CLYBL: variants seen among roughly 807,000 people sequenced by gnomAD.
CLYBL encodes citramalyl-CoA lyase.
In CLYBL, 31 loss-of-function variants were observed where a neutral mutation model predicts 38.9. The ratio of observed to expected loss-of-function variants is 0.80; its 90% CI spans 0.60 to 1.08. The LOEUF is 1.08. Among genes scored for constraint, CLYBL ranks in the 50% least tolerant of loss-of-function variants. The probability of loss-of-function intolerance (pLI) is 0.00; values close to 1 mark genes in which losing one functional copy is unlikely to be tolerated. For missense variants in CLYBL, 434 were observed against 411.6 expected, an observed-to-expected ratio of 1.05 and a Z score of -0.47; for synonymous variants, 171 against 158.6, an observed-to-expected ratio of 1.08 and a Z score of -0.59.
chr13:99,706,193 G>A (rs960626294), intron 1 of CLYBL, among the ~76,000 whole-genome samples: 1 of 152,080 alleles, frequency 6.6e-6, no homozygotes, highest in African/African-American at 2.4e-5. Context: ...GCCTCCCAAA[G>A]TGCTGGCATT....
intron 1 of CLYBL, among the ~76,000 whole-genome samples, chr13:99,722,339 G>A (rs1164559145): frequency 6.6e-6 from 1 of 152,072 alleles, no homozygotes; most frequent in Non-Finnish European, 1.5e-5. Flanking sequence ...TTTCCTCCCA[G>A]CCCTGGAGAT....
At chr13:99,784,818 C>T (rs1038894618) in intron 2 of CLYBL, among the ~76,000 whole-genome samples, 1 of 152,116 alleles carries the variant, frequency 6.6e-6, no homozygotes, top group Non-Finnish European at 1.5e-5. Flanking sequence ...TGAAATGTAT[C>T]TATTTTTACA....
chr13:99,848,394 T>A (rs545417181), intron 2 of CLYBL, among the ~76,000 whole-genome samples: 1 of 152,330 alleles, frequency 6.6e-6, no homozygotes, highest in African/African-American at 2.4e-5. Flanking sequence ...TGGATTGCAT[T>A]TAATTAATCC....
chr13:99,880,070 T>TATATA (rs1186082855), intron 7 of CLYBL, among the ~76,000 whole-genome samples: 384 of 29,070 alleles, frequency 0.013, 1 homozygote, highest in East Asian at 0.12. Flanking sequence ...ATATATATAT[T>TATATA]TTTTTTTTTT....
At chr13:99,845,852 C>A (rs1311168119) in intron 2 of CLYBL, among the ~76,000 whole-genome samples, 1 of 152,018 alleles carries the variant, frequency 6.6e-6, no homozygotes, top group African/African-American at 2.4e-5. Context: ...TCTTCTCCTT[C>A]GTTTTCTGGT....
chr13:99,632,812 A>G (rs1216332637), intron 1 of CLYBL, among the ~76,000 whole-genome samples: 1 of 152,212 alleles, frequency 6.6e-6, no homozygotes, highest in African/African-American at 2.4e-5. Flanking sequence ...AGTAGATAAT[A>G]GAAGCCAAAC....
intron 2 of CLYBL, among the ~76,000 whole-genome samples, chr13:99,808,997 C>T (rs1045968843): frequency 6.6e-6 from 1 of 152,028 alleles, no homozygotes; most frequent in Non-Finnish European, 1.5e-5. Flanking sequence ...TGGACACACA[C>T]ACAAGACACT....
chr13:99,631,756 G>A (rs918713927), intron 1 of CLYBL, among the ~76,000 whole-genome samples: 1 of 151,876 alleles, frequency 6.6e-6, no homozygotes, highest in Admixed American at 6.6e-5. Flanking sequence ...GCACCACCAC[G>A]CCCAGCTAAT....
chr13:99,671,651 G>A (rs971768298), intron 1 of CLYBL, among the ~76,000 whole-genome samples: 4 of 151,874 alleles, frequency 2.6e-5, no homozygotes, highest in Non-Finnish European at 5.9e-5. Flanking sequence ...GTGATGGTGC[G>A]TGCCTGTAAT....
intron 1 of CLYBL, among the ~76,000 whole-genome samples, chr13:99,643,596 C>G (rs2047127903): frequency 6.6e-6 from 1 of 152,204 alleles, no homozygotes; most frequent in Non-Finnish European, 1.5e-5. Context: ...GTAGCTACCA[C>G]TTACTATTCT....
rs576758556 is a variant in CLYBL at position 99,625,518 on chromosome 13, A to G, written c.62+18761A>G. Among the ~76,000 whole-genome samples, 441 of 152,354 alleles carry G rather than the reference A, an allele frequency of 2.9e-3. 1 individual carries two copies. Among genetic ancestry groups the G allele is most frequent in the African/African-American group, 0.01 (430 of 41,576 alleles). On this transcript the variant is annotated intron_variant, in intron 1 of 8. Transcript: ENST00000339105. ...TAATTTGAGGGATTATTGTTAATGA[A>G]GGATAAGAAACTTCACAACCATATG...
At chr13:99,807,080 C>G (rs1375741135) in intron 2 of CLYBL, among the ~76,000 whole-genome samples, 1 of 152,180 alleles carries the variant, frequency 6.6e-6, no homozygotes, top group Non-Finnish European at 1.5e-5. Context: ...CTACCCCATT[C>G]GCAATGGTAT....
At chr13:99,654,957 A>G (rs2047308648) in intron 1 of CLYBL, among the ~76,000 whole-genome samples, 1 of 152,034 alleles carries the variant, frequency 6.6e-6, no homozygotes, top group Non-Finnish European at 1.5e-5. Flanking sequence ...GTGAGCCGAG[A>G]TCGCGCTCCG....
At chr13:99,668,304 C>T (rs1160004792) in intron 1 of CLYBL, among the ~76,000 whole-genome samples, 1 of 142,372 alleles carries the variant, frequency 7.0e-6, no homozygotes, top group Non-Finnish European at 1.5e-5. Flanking sequence ...AGAACACTGG[C>T]GGCCGGGCAT....
intron 2 of CLYBL, among the ~76,000 whole-genome samples, chr13:99,788,766 A>G (rs1481850615): frequency 6.6e-6 from 1 of 152,216 alleles, no homozygotes; most frequent in African/African-American, 2.4e-5. Context: ...GAATAGCTTC[A>G]GAAGGAATGG....
intron 1 of CLYBL, among the ~76,000 whole-genome samples, chr13:99,656,659 T>TA (rs1353450712): frequency 6.6e-6 from 1 of 152,194 alleles, no homozygotes; most frequent in Non-Finnish European, 1.5e-5. Flanking sequence ...TGAGGGTATG[T>TA]TTGATAAAGA....
At chr13:99,898,456 A>G (rs1195489817), downstream of CLYBL, among the ~76,000 whole-genome samples, 1 of 152,246 alleles carries the variant, frequency 6.6e-6, no homozygotes, top group African/African-American at 2.4e-5. Context: ...GTGCTGGCTA[A>G]TAACCCAAAC....
At chr13:99,655,031 T>C (rs1594103749) in intron 1 of CLYBL, among the ~76,000 whole-genome samples, 2 of 151,644 alleles carry the variant, frequency 1.3e-5, no homozygotes, top group Middle Eastern at 3.5e-3. Context: ...CCACCAGGCC[T>C]AAGAACCCAT....
intron 2 of CLYBL, among the ~76,000 whole-genome samples, chr13:99,794,746 C>G (rs867024122): frequency 6.6e-6 from 1 of 151,804 alleles, no homozygotes. Context: ...CATGTGCCAC[C>G]ACACCTGGCT....
Sources: gnomAD v4.1 joint callset for allele counts (sites outside exome capture counted in the v4.1 genomes callset) on GRCh38, gnomAD v4.1.1 for gene constraint, MANE v1.5 for transcripts, NCBI Gene and HGNC (gene_info 2026-07-23, HGNC 2026-07-21) for gene names.